The following PNPLA3 variants were observed in gnomAD, a reference collection of about 807,000 sequenced individuals.
PNPLA3 encodes 1-acylglycerol-3-phosphate O-acyltransferase PNPLA3.
In PNPLA3, 42 loss-of-function variants were observed where a neutral mutation model predicts 43.1. That is an observed-to-expected ratio of 0.97 (90% CI 0.76 to 1.26). The LOEUF (loss-of-function observed/expected upper bound fraction) is 1.26. Ranked by LOEUF, PNPLA3 falls within the 50% of genes most tolerant of loss-of-function variation. The pLI is 0.00. For missense variants in PNPLA3, 647 were observed against 621.4 expected, an observed-to-expected ratio of 1.04 and a Z score of -0.44; for synonymous variants, 272 against 253.6, an observed-to-expected ratio of 1.07 and a Z score of -0.69.
intron 3 of PNPLA3, among the ~76,000 whole-genome samples, chr22:43,932,615 G>T (rs2049968641): frequency 6.6e-6 from 1 of 152,208 alleles, no homozygotes. Flanking sequence ...GTTTCCATCT[G>T]CCTCTTTGCC....
chr22:43,933,491 G>GT (rs1388730314), intron 4 of PNPLA3, among the ~76,000 whole-genome samples: 1 of 152,040 alleles, frequency 6.6e-6, no homozygotes, highest in Non-Finnish European at 1.5e-5. Flanking sequence ...GGTTCAAGCA[G>GT]TCCTCCCACC....
Position 43,937,114 on chromosome 22 carries a change from C to T in PNPLA3, c.821C>T (p.Ala274Val). ...SSSEGMDPEVAMPSWANMSLD... is the reference protein window; with the variant it reads ...SSSEGMDPEVVMPSWANMSLD... ...TCAGAAGGGATGGATCCTGAGGTCG[C>T]CATGCCCAGCTGGGCAAACATGAGT... is the stretch of plus-strand genomic sequence containing the variant. Residue 274 changes from alanine (A) to valine (V), a missense_variant, in exon 6 of 9, where the codon GCC becomes GTC. Transcript: ENST00000216180. 3.7e-6 allele frequency: 6 copies of T among 1,614,138 alleles called. No homozygotes were observed. The highest frequency in any genetic ancestry group is 5.1e-6 in the Non-Finnish European group (6 of 1,180,048).
chr22:43,945,412 G>A (rs2050056797), intron 8 of PNPLA3, among the ~76,000 whole-genome samples: 2 of 152,178 alleles, frequency 1.3e-5, no homozygotes, highest in African/African-American at 4.8e-5. Flanking sequence ...CCATTACCAG[G>A]GTTGGGCGTT....
chr22:43,927,936 C>G (rs1603415941), intron 2 of PNPLA3, among the ~76,000 whole-genome samples: 1 of 152,218 alleles, frequency 6.6e-6, no homozygotes, highest in Non-Finnish European at 1.5e-5. Flanking sequence ...GTCCAAGGAA[C>G]CTGTCCTGCA....
rs144618728 is a variant in PNPLA3 at position 43,934,594 on chromosome 22, C to G, written c.697-12C>G. 2 of 1,612,360 alleles carry G rather than the reference C, an allele frequency of 1.2e-6. No homozygotes were observed. The highest frequency in any genetic ancestry group is 2.2e-5 in the East Asian group (1 of 44,856). ...CTCCCTGCTGTAGTCCCCTTGCTTG[C>G]TTTGCTCACAGGTGCTGGGAGAGAT... On this transcript the variant is annotated splice_polypyrimidine_tract_variant and intron_variant, in intron 4 of 8. Transcript: ENST00000216180.
At chr22:43,940,203 A>G (rs2050022481) in intron 7 of PNPLA3, 78 bp downstream of exon 7, 5 of 1,499,262 alleles carry the variant, frequency 3.3e-6, no homozygotes, top group Non-Finnish European at 4.6e-6. Context: ...TCATGGTGGC[A>G]TGTAGTCTGG....
intron 7 of PNPLA3, among the ~76,000 whole-genome samples, 163 bp downstream of exon 7, chr22:43,940,288 C>T (rs969968470): frequency 1.7e-4 from 26 of 152,216 alleles, no homozygotes; most frequent in African/African-American, 5.8e-4. Context: ...CACCTGTCCT[C>T]AAGCCACACA....
Position 43,933,158 on chromosome 22 carries a change from A to G in PNPLA3, c.696+71A>G. 4 of 1,382,414 alleles carry G rather than the reference A, an allele frequency of 2.9e-6. No homozygotes were observed. In the South Asian group the frequency reaches 3.5e-5, roughly 12 times the overall value. The allele number at this position is 1,382,414 out of a possible 1,614,324, so 85.6% of individuals were successfully genotyped here. ...TTTGCCTCCCTGATTGCCAGGAGCT[A>G]CCAGTTACTGTCTGCACAATCAAAC... On this transcript the variant is annotated intron_variant, in intron 4 of 8. Transcript: ENST00000216180.
At chr22:43,928,782 G>C (rs2146776220) in intron 2 of PNPLA3, 42 bp from the exon 3 acceptor site, 1 of 1,551,506 alleles carries the variant, frequency 6.4e-7, no homozygotes, top group African/African-American at 1.4e-5. Flanking sequence ...AAAATTAAAA[G>C]GGTGCTCTCG....
chr22:43,939,352 G>A, intron 6 of PNPLA3: 1 of 965,574 alleles, frequency 1.0e-6, no homozygotes, highest in Non-Finnish European at 1.2e-6. Flanking sequence ...TATTGGAAAT[G>A]GACATGTCTT....
chr22:43,929,129 T>C (rs1603416031), intron 3 of PNPLA3, among the ~76,000 whole-genome samples: 1 of 152,206 alleles, frequency 6.6e-6, no homozygotes, highest in Non-Finnish European at 1.5e-5. Context: ...AACTGGCTGG[T>C]TCACTTAATC....
At chr22:43,927,960 C>T (rs1163369923) in intron 2 of PNPLA3, among the ~76,000 whole-genome samples, 3 of 152,200 alleles carry the variant, frequency 2.0e-5, no homozygotes, top group South Asian at 2.1e-4. Flanking sequence ...GTGCCTCTCC[C>T]GAGCTTCCTC....
At chr22:43,932,598 G>C (rs1326055259) in intron 3 of PNPLA3, among the ~76,000 whole-genome samples, 2 of 152,208 alleles carry the variant, frequency 1.3e-5, no homozygotes, top group Non-Finnish European at 2.9e-5. Flanking sequence ...ACACAACATG[G>C]ACTCCAGTTT....
intron 8 of PNPLA3, among the ~76,000 whole-genome samples, chr22:43,945,458 G>A (rs1384699006): frequency 6.6e-6 from 1 of 152,182 alleles, no homozygotes; most frequent in African/African-American, 2.4e-5. Context: ...TCCTCACTTG[G>A]CTAACAGGGG....
At chr22:43,930,528 C>A (rs1314575311) in intron 3 of PNPLA3, among the ~76,000 whole-genome samples, 1 of 152,166 alleles carries the variant, frequency 6.6e-6, no homozygotes, top group Non-Finnish European at 1.5e-5. Flanking sequence ...CAGGAGTGCA[C>A]CCAGCAGCAC....
At chr22:43,929,508 A>G (rs1239382172) in intron 3 of PNPLA3, among the ~76,000 whole-genome samples, 3 of 151,156 alleles carry the variant, frequency 2.0e-5, no homozygotes, top group African/African-American at 7.3e-5. Context: ...TAAATAAAGT[A>G]TATGACACTG....
chr22:43,934,067 A>G (rs1185410159), intron 4 of PNPLA3, among the ~76,000 whole-genome samples: 1 of 152,160 alleles, frequency 6.6e-6, no homozygotes, highest in Non-Finnish European at 1.5e-5. Flanking sequence ...CTGTAATCCC[A>G]GCACTTTGGG....
chr22:43,946,069 C>A, intron 8 of PNPLA3, 85 bp from the exon 9 acceptor site: 1 of 1,280,902 alleles, frequency 7.8e-7, no homozygotes. Flanking sequence ...CCTCTACTGG[C>A]CGGCAATGTG....
chr22:43,924,318 C>G (rs1416658917), intron 1 of PNPLA3: 12 of 565,948 alleles, frequency 2.1e-5, no homozygotes, highest in Middle Eastern at 4.7e-4. Context: ...CGGTCCGGGC[C>G]GAAGCCTGGG....
Sources: gnomAD v4.1 joint callset for allele counts (sites outside exome capture counted in the v4.1 genomes callset) on GRCh38, gnomAD v4.1.1 for gene constraint, MANE v1.5 for transcripts, NCBI Gene and HGNC (gene_info 2026-07-23, HGNC 2026-07-21) for gene names.